Variants in NTNG1 observed in about 807,000 individuals in gnomAD.
NTNG1 encodes netrin-G1.
NTNG1 carries 16 observed loss-of-function variants against 54.0 expected under a neutral mutation model. The ratio of observed to expected loss-of-function variants is 0.30; its 90% CI spans 0.20 to 0.45. The LOEUF (loss-of-function observed/expected upper bound fraction) is 0.45, where lower values mean the gene tolerates loss of function less well. Ranked by LOEUF, NTNG1 falls within the 20% of genes least tolerant of loss-of-function variation. The pLI, the probability that NTNG1 is intolerant of heterozygous loss-of-function variation, is 1.00. For missense variants in NTNG1, 530 were observed against 678.7 expected (o/e 0.78, Z 2.43); for synonymous variants, 255 against 263.1 (o/e 0.97, Z 0.30).
At chr1:107,281,354 AT>A (rs561783567) in intron 2 of NTNG1, among the ~76,000 whole-genome samples, 6 of 151,270 alleles carry the variant, frequency 4.0e-5, no homozygotes, top group African/African-American at 9.7e-5. Context: ...TTTAGCAGGG[AT>A]TTTTTTTTCA....
chr1:107,275,474 A>T (rs1427043561), intron 2 of NTNG1, among the ~76,000 whole-genome samples: 1 of 152,230 alleles, frequency 6.6e-6, no homozygotes, highest in African/African-American at 2.4e-5. Flanking sequence ...CAAGATCTGC[A>T]GTTGGCAAGC....
At chr1:107,401,635 A>T (rs558911840) in intron 4 of NTNG1, among the ~76,000 whole-genome samples, 1 of 152,186 alleles carries the variant, frequency 6.6e-6, no homozygotes, top group South Asian at 2.1e-4. Flanking sequence ...GTTAATTCAG[A>T]TCACAGTAGG....
At position 107,368,282 on chromosome 1, in the gene NTNG1, G is replaced by A. The variant is rs139079441; in HGVS notation, c.888-26872G>A. ...GAATCTAAATGTGTGCAATAAAGAT[G>A]ATTCTCAGGTGTGCAAAAATACCAC... On this transcript the variant is annotated intron_variant, in intron 3 of 7. Coordinates refer to ENST00000370068, the MANE Select transcript of NTNG1 (RefSeq NM_001113226.3). Among the ~76,000 whole-genome samples the A allele has an allele frequency of 2.5e-4, 38 of 151,640 alleles. 2 individuals are homozygous for A. In the East Asian group the frequency reaches 7.2e-3, roughly 29 times the overall value.
intron 3 of NTNG1, among the ~76,000 whole-genome samples, chr1:107,367,039 C>T (rs1474844990): frequency 1.3e-5 from 2 of 151,136 alleles, no homozygotes; most frequent in Non-Finnish European, 2.9e-5. Context: ...AGTGCTGCTA[C>T]AAAGGAACAA....
intron 3 of NTNG1, among the ~76,000 whole-genome samples, chr1:107,355,664 T>C (rs1261228428): frequency 6.6e-6 from 1 of 152,204 alleles, no homozygotes; most frequent in Non-Finnish European, 1.5e-5. Flanking sequence ...GAAGTGTGGA[T>C]GTCTCTATGA....
chr1:107,423,726 C>T (rs934362712), intron 5 of NTNG1, among the ~76,000 whole-genome samples: 7 of 152,188 alleles, frequency 4.6e-5, no homozygotes, highest in Non-Finnish European at 8.8e-5. Context: ...TCTGCCTAAG[C>T]TGATCTGTTA....
Position 107,385,489 on chromosome 1 carries a change from G to A in NTNG1, c.888-9665G>A, listed in dbSNP as rs189832485. Among the ~76,000 whole-genome samples, 240 of 152,050 alleles carry A rather than the reference G, an allele frequency of 1.6e-3. 1 individual carries two copies. Among genetic ancestry groups the A allele is most frequent in the African/African-American group, 5.4e-3 (222 of 41,476 alleles). On this transcript the variant is annotated intron_variant, in intron 3 of 7. Coordinates refer to ENST00000370068, the MANE Select transcript of NTNG1 (RefSeq NM_001113226.3). ...ACGCCATGCCTGCTAATACCCCATCGGTCAGAACATAGTCATATGGCCACA... is the reference window on the plus strand; with the variant it reads ...ACGCCATGCCTGCTAATACCCCATCAGTCAGAACATAGTCATATGGCCACA...
chr1:107,154,045 C>T (rs1445081299), intron 2 of NTNG1, among the ~76,000 whole-genome samples: 5 of 152,114 alleles, frequency 3.3e-5, no homozygotes, highest in East Asian at 1.9e-4. Flanking sequence ...GCATTCAGCA[C>T]ATGCAAAACC....
rs1353691496 is a variant in NTNG1, at chr1:107,324,798, G to A, written c.763G>A (p.Asp255Asn). 8 of 1,613,492 alleles carry A rather than the reference G, an allele frequency of 5.0e-6. No individual in the cohort carries two copies. The highest frequency in any genetic ancestry group is 6.8e-6 in the Non-Finnish European group (8 of 1,179,762). The change falls in exon 3 of 8, where the codon GAT becomes AAT. Residue 255 changes from aspartate (D) to asparagine (N), a missense_variant. Coordinates refer to ENST00000370068, the MANE Select transcript of NTNG1 (RefSeq NM_001113226.3). ...GCTGGATACAACCAAGAAACTCAGA[G>A]ATTTCTTTACAGTCACAGACCTGAG... ...GQLDTTKKLR[D>N]FFTVTDLRIR...
chr1:107,283,342 T>C (rs1023172786), intron 2 of NTNG1, among the ~76,000 whole-genome samples: 7 of 152,140 alleles, frequency 4.6e-5, no homozygotes, highest in African/African-American at 1.7e-4. Context: ...TAGGATGCCA[T>C]GTTGGTGGAG....
intron 2 of NTNG1, among the ~76,000 whole-genome samples, chr1:107,284,469 A>G (rs1321808115): frequency 6.6e-6 from 1 of 152,120 alleles, no homozygotes. Context: ...GAGGTAAGAA[A>G]TGATGTTTTA....
At chr1:107,396,756 T>C (rs905363473) in intron 4 of NTNG1, among the ~76,000 whole-genome samples, 3 of 152,182 alleles carry the variant, frequency 2.0e-5, no homozygotes, top group Non-Finnish European at 4.4e-5. Context: ...AGATTTCCTC[T>C]TTAATGTCTG....
intron 2 of NTNG1, among the ~76,000 whole-genome samples, chr1:107,280,201 G>C (rs562779739): frequency 1.2e-3 from 165 of 139,366 alleles, no homozygotes; most frequent in African/African-American, 4.2e-3. Flanking sequence ...ATTCTATAGG[G>C]CCTCTCAATC....
intron 7 of NTNG1, among the ~76,000 whole-genome samples, chr1:107,450,914 G>A (rs1676580126): frequency 6.6e-6 from 1 of 151,950 alleles, no homozygotes; most frequent in Admixed American, 6.6e-5. Flanking sequence ...AAACTAAGTG[G>A]GGTTCTCTAC....
intron 7 of NTNG1, among the ~76,000 whole-genome samples, chr1:107,465,713 C>T (rs893633580): frequency 1.3e-5 from 2 of 152,052 alleles, no homozygotes; most frequent in South Asian, 2.1e-4. Flanking sequence ...GTCCAGGGAC[C>T]AGGGAGAACA....
At chr1:107,412,197 TC>T (rs1673863005) in intron 5 of NTNG1, among the ~76,000 whole-genome samples, 1 of 152,098 alleles carries the variant, frequency 6.6e-6, no homozygotes, top group Admixed American at 6.6e-5. Context: ...TGCCAAGATC[TC>T]CAAAAGGTTT....
At chr1:107,443,128 A>T (rs1676076456) in intron 7 of NTNG1, among the ~76,000 whole-genome samples, 1 of 152,048 alleles carries the variant, frequency 6.6e-6, no homozygotes. Context: ...TTAACGTCAG[A>T]CCACACTCAT....
intron 4 of NTNG1, among the ~76,000 whole-genome samples, chr1:107,396,281 G>T (rs755829574): frequency 2.0e-5 from 3 of 152,124 alleles, no homozygotes; most frequent in African/African-American, 4.8e-5. Flanking sequence ...GCACTTCAAA[G>T]CAGCAGCTGT....
chr1:107,146,912 A>G (rs1654163560), intron 1 of NTNG1, among the ~76,000 whole-genome samples: 1 of 152,102 alleles, frequency 6.6e-6, no homozygotes, highest in African/African-American at 2.4e-5. Flanking sequence ...CCATATTTCA[A>G]CTGTTTAATG....
Sources: allele counts gnomAD v4.1 joint callset (sites outside exome capture counted in the v4.1 genomes callset), GRCh38; gene constraint gnomAD v4.1.1; transcripts MANE v1.5; gene names NCBI Gene and HGNC (gene_info 2026-07-23, HGNC 2026-07-21).